The following NTRK2 variants were observed in gnomAD, a reference collection of about 807,000 sequenced individuals.
NTRK2 encodes BDNF/NT-3 growth factors receptor.
NTRK2 carries 13 observed loss-of-function variants against 94.5 expected under a neutral mutation model. That is an observed-to-expected ratio of 0.14 (90% confidence interval 0.09 to 0.22). The LOEUF is 0.22. Among genes scored for constraint, NTRK2 ranks in the 10% least tolerant of loss-of-function variants. The pLI is 1.00. For synonymous variants in NTRK2, 372 were observed against 407.4 expected (o/e 0.91, Z 1.05); for missense variants, 639 against 1,071.2 (o/e 0.60, Z 5.63).
chr9:84,896,893 TGA>T (rs763484628), intron 14 of NTRK2, among the ~76,000 whole-genome samples: 35 of 152,286 alleles, frequency 2.3e-4, no homozygotes, highest in Non-Finnish European at 4.3e-4. Flanking sequence ...TGGCAGTAGC[TGA>T]GAGTTAGGAG....
chr9:84,791,500 G>C (rs192334611), intron 12 of NTRK2, among the ~76,000 whole-genome samples: 2 of 152,202 alleles, frequency 1.3e-5, no homozygotes, highest in East Asian at 3.9e-4. Flanking sequence ...CATCTGCATA[G>C]AGTTCTCCTA....
chr9:85,015,880 G>C (rs945645591), intron 17 of NTRK2, among the ~76,000 whole-genome samples: 3 of 152,310 alleles, frequency 2.0e-5, no homozygotes, highest in African/African-American at 7.2e-5. Flanking sequence ...AGTGTGTGTG[G>C]AGACTGGAGA....
At chr9:84,827,737 A>G (rs1199727609) in intron 12 of NTRK2, among the ~76,000 whole-genome samples, 1 of 151,364 alleles carries the variant, frequency 6.6e-6, no homozygotes, top group South Asian at 2.1e-4. Context: ...CAAGCTGCCA[A>G]TGCTTACTGC....
intron 14 of NTRK2, among the ~76,000 whole-genome samples, chr9:84,884,341 G>T (rs1161266050): frequency 6.6e-6 from 1 of 152,122 alleles, no homozygotes; most frequent in African/African-American, 2.4e-5. Context: ...AAAAATGTAA[G>T]GAAGAGTTAG....
chr9:84,826,758 A>T (rs2073216878), intron 12 of NTRK2, among the ~76,000 whole-genome samples: 1 of 152,226 alleles, frequency 6.6e-6, no homozygotes, highest in Non-Finnish European at 1.5e-5. Context: ...TACTTAGTAG[A>T]TTCACAATAT....
In NTRK2 at chr9:84,838,685, T is replaced by G. The variant is rs545375518; in HGVS notation, c.1397-22355T>G. Among the ~76,000 whole-genome samples, 162 of 152,334 alleles carry G rather than the reference T, an allele frequency of 1.1e-3. 1 individual carries two copies. Among genetic ancestry groups the G allele is most frequent in the Admixed American group, 1.8e-3 (28 of 15,300 alleles). On this transcript the variant is annotated intron_variant, in intron 12 of 18. Coordinates refer to ENST00000277120, the MANE Select transcript of NTRK2 (RefSeq NM_006180.6). ...ATACCAGAGGAATCAATGTACCTAC[T>G]ATTACTTTTCTTCCGATATAGTATA...
At position 84,936,853 on chromosome 9, in the gene NTRK2, C is replaced by G. The variant is rs138254163; in HGVS notation, c.1764+2561C>G. ...AAGAAGTCTCATGTCAGTGACCTTACATGTGAATTTTTTTTTTTTAAATGA... is the reference window on the plus strand; with the variant it reads ...AAGAAGTCTCATGTCAGTGACCTTAGATGTGAATTTTTTTTTTTTAAATGA... On this transcript the variant is annotated intron_variant, in intron 15 of 18. Transcript: ENST00000277120. Among the ~76,000 whole-genome samples, 524 of 152,100 alleles carry G rather than the reference C, an allele frequency of 3.4e-3. 3 individuals carry two copies. The highest frequency in any genetic ancestry group is 0.012 in the African/African-American group (478 of 41,484).
chr9:84,714,764 A>G (rs948400969), intron 6 of NTRK2, among the ~76,000 whole-genome samples: 7 of 152,206 alleles, frequency 4.6e-5, no homozygotes, highest in African/African-American at 1.7e-4. Flanking sequence ...CATATACTTT[A>G]AAAACACATC....
chr9:84,688,290 A>G (rs1371386585), intron 2 of NTRK2, among the ~76,000 whole-genome samples: 1 of 152,218 alleles, frequency 6.6e-6, no homozygotes, highest in Non-Finnish European at 1.5e-5. Context: ...GACCAGGCTG[A>G]TCGGCCCTTT....
In NTRK2 at chr9:84,809,665, T is replaced by C. The variant is rs1588749985; in HGVS notation, c.1397-51375T>C. On this transcript the variant is annotated intron_variant, in intron 12 of 18. Coordinates refer to ENST00000277120, the MANE Select transcript of NTRK2 (RefSeq NM_006180.6). ...GGGAGGCCGAGGTGGGTAGATTGCT[T>C]GAGGTCAGGAGTTTCAGACCAGCCT... Among the ~76,000 whole-genome samples the C allele has an allele frequency of 2.6e-5, 4 of 151,360 alleles. No individual in the cohort carries two copies. In the East Asian group the frequency reaches 7.7e-4, roughly 29 times the overall value.
At chr9:84,940,413 G>C (rs1245438335) in intron 15 of NTRK2, among the ~76,000 whole-genome samples, 1 of 152,156 alleles carries the variant, frequency 6.6e-6, no homozygotes, top group African/African-American at 2.4e-5. Flanking sequence ...GCTTAGTGCA[G>C]CTGTCTCTTG....
chr9:84,876,151 T>C lies in NTRK2; in HGVS notation c.1633+8720T>C, dbSNP rs1014389912. 3 of 1,040,220 alleles carry C rather than the reference T, an allele frequency of 2.9e-6. No individual in the cohort carries two copies. In the African/African-American group the frequency reaches 5.0e-5, roughly 17 times the overall value. The allele number at this position is 1,040,220 out of a possible 1,614,324, so 64.4% of individuals were successfully genotyped here. ...TGCATTAAAGTGGAACCCAAGCTCC[T>C]CATTAGATAATAATGGCATTTGGAC... is the stretch of plus-strand genomic sequence containing the variant. On this transcript the variant is annotated intron_variant, in intron 14 of 18. Transcript: ENST00000277120.
chr9:84,692,392 A>G (rs2060099304), intron 2 of NTRK2, among the ~76,000 whole-genome samples: 1 of 151,972 alleles, frequency 6.6e-6, no homozygotes, highest in East Asian at 1.9e-4. Flanking sequence ...TAACTTAAAG[A>G]CATTGTCAAT....
intron 17 of NTRK2, among the ~76,000 whole-genome samples, chr9:84,983,599 C>T (rs1356380235): frequency 1.3e-5 from 2 of 152,156 alleles, no homozygotes; most frequent in African/African-American, 4.8e-5. Context: ...AATTCTAAAT[C>T]TGGGATAGTG....
At chr9:84,926,727 T>C (rs995861) in intron 14 of NTRK2, among the ~76,000 whole-genome samples, 50,084 of 152,058 alleles carry the variant, frequency 0.33, 10,017 homozygotes, top group African/African-American at 0.56. Flanking sequence ...TACATGTTCG[T>C]GTTATTATTT....
chr9:84,695,644 G>A (rs974406778), intron 2 of NTRK2, among the ~76,000 whole-genome samples: 1 of 152,200 alleles, frequency 6.6e-6, no homozygotes, highest in Non-Finnish European at 1.5e-5. Flanking sequence ...CATGTACTGT[G>A]TTTATGTTCT....
chr9:84,834,397 G>C (rs924850073), intron 12 of NTRK2, among the ~76,000 whole-genome samples: 2 of 152,158 alleles, frequency 1.3e-5, no homozygotes, highest in Admixed American at 6.5e-5. Flanking sequence ...CTCCAGGATT[G>C]CTGTGCCCTG....
chr9:84,676,932 A>G (rs995548426), intron 2 of NTRK2, among the ~76,000 whole-genome samples: 1 of 148,252 alleles, frequency 6.7e-6, no homozygotes, highest in East Asian at 2.0e-4. Flanking sequence ...AGGAAGAAAT[A>G]TATTTTCTGT....
chr9:84,817,446 G>T (rs1380557987), intron 12 of NTRK2, among the ~76,000 whole-genome samples: 1 of 152,118 alleles, frequency 6.6e-6, no homozygotes, highest in African/African-American at 2.4e-5. Context: ...GTTTGATTTT[G>T]ATAAAATAAG....
Sources: allele counts gnomAD v4.1 joint callset (sites outside exome capture counted in the v4.1 genomes callset), GRCh38; gene constraint gnomAD v4.1.1; transcripts MANE v1.5; gene names NCBI Gene and HGNC (gene_info 2026-07-23, HGNC 2026-07-21).